CBX5: variants seen among roughly 807,000 people sequenced by gnomAD.
CBX5 encodes chromobox 5.
Under a neutral mutation model 20.7 loss-of-function variants are expected in CBX5, and 7 were observed. The ratio of observed to expected loss-of-function variants is 0.34; its 90% CI spans 0.19 to 0.63. The LOEUF (loss-of-function observed/expected upper bound fraction) is 0.63. Among genes scored for constraint, CBX5 ranks in the 30% least tolerant of loss-of-function variants. The probability of loss-of-function intolerance (pLI) is 0.75; values close to 1 mark genes in which losing one functional copy is unlikely to be tolerated. For synonymous variants in CBX5, 78 were observed against 77.0 expected (o/e 1.01, Z -0.07); for missense variants, 110 against 224.1 (o/e 0.49, Z 3.25).
In CBX5 at chr12:54,239,724, ACCATTCAGAAG is replaced by A. The variant is rs563422842; in HGVS notation, c.*2020_*2030del. The A allele has an allele frequency of 8.5e-4, 129 of 152,360 alleles. 1 individual carries two copies. Among genetic ancestry groups the A allele is most frequent in the African/African-American group, 3.1e-3 (127 of 41,580 alleles). 9.4% of individuals were successfully genotyped at this position (152,360 alleles called of 1,614,324 possible). A position where few individuals can be genotyped will look rare whatever the true frequency, so the allele number is the denominator to read the frequency against. On this transcript the variant is annotated 3_prime_UTR_variant, in exon 5 of 5. Transcript: ENST00000209875. ...TTATGAGCTCTTGCCCAATCACATTACCATTCAGAAGGATTTTCCTGGCTGACTTAAACCAA... is the reference window on the plus strand; with the variant it reads ...TTATGAGCTCTTGCCCAATCACATTAGATTTTCCTGGCTGACTTAAACCAA...
intron 3 of CBX5, among the ~76,000 whole-genome samples, chr12:54,248,318 A>G (rs1943758492): frequency 6.6e-6 from 1 of 152,164 alleles, no homozygotes; most frequent in African/African-American, 2.4e-5. Context: ...AAACTTTATT[A>G]TGGAAGATAA....
intron 4 of CBX5, among the ~76,000 whole-genome samples, chr12:54,245,295 G>C (rs1359599199): frequency 6.6e-6 from 1 of 152,034 alleles, no homozygotes; most frequent in Non-Finnish European, 1.5e-5. Context: ...ACAGGTGTGA[G>C]CCACTGCATC....
intron 1 of CBX5, among the ~76,000 whole-genome samples, chr12:54,265,045 A>T (rs1203046287): frequency 6.6e-6 from 1 of 152,138 alleles, no homozygotes; most frequent in Non-Finnish European, 1.5e-5. Context: ...AGCAGAGGAG[A>T]GCGCATATGC....
At chr12:54,268,011 G>C (rs1045675043) in intron 1 of CBX5, among the ~76,000 whole-genome samples, 3 of 152,138 alleles carry the variant, frequency 2.0e-5, no homozygotes, top group African/African-American at 4.8e-5. Flanking sequence ...AGGCGTGGTG[G>C]TGGGCGCCTG....
intron 1 of CBX5, chr12:54,258,018 A>C (rs1336494615): frequency 1.1e-5 from 2 of 174,158 alleles, no homozygotes; most frequent in African/African-American, 4.7e-5. Flanking sequence ...CAGGAACTCA[A>C]ACAGAAATGT....
intron 3 of CBX5, among the ~76,000 whole-genome samples, chr12:54,250,256 C>A (rs909883921): frequency 6.6e-6 from 1 of 151,624 alleles, no homozygotes; most frequent in East Asian, 1.9e-4. Context: ...AATAAAAATA[C>A]AAAAATTATC....
At chr12:54,255,472 T>G (rs1190406558) in intron 2 of CBX5, among the ~76,000 whole-genome samples, 1 of 146,312 alleles carries the variant, frequency 6.8e-6, no homozygotes, top group Non-Finnish European at 1.5e-5. Context: ...GGCAGGAGAA[T>G]CGCTTGAACC....
rs928505902 is a variant in CBX5 at position 54,275,171 on chromosome 12, G to C, written c.-43+4837C>G. Among the ~76,000 whole-genome samples the C allele has an allele frequency of 1.7e-4, 26 of 152,070 alleles. 1 individual carries two copies. Among genetic ancestry groups the C allele is most frequent in the Non-Finnish European group, 2.9e-5 (2 of 68,018 alleles). The stretch of plus-strand genomic sequence containing the variant: ...CCAAATTGAAGCTTTCCACTTACTA[G>C]TTTTCAGACAGAATATATTCCCCTT... On this transcript the variant is annotated intron_variant, in intron 1 of 4. Transcript: ENST00000209875.
Position 54,252,029 on chromosome 12 carries a change from A to G in CBX5, c.324+12T>C. The G allele has an allele frequency of 6.5e-7, 1 of 1,544,422 alleles. No individual in the cohort carries two copies. The highest frequency in any genetic ancestry group is 8.7e-7 in the Non-Finnish European group (1 of 1,151,462). ...AAGAATAGTTTTTGGGGAAAAGGGA[A>G]AGGAAGCTTACCTCTCTCTTTTTTT... On this transcript the variant is annotated intron_variant, in intron 3 of 4. Coordinates refer to ENST00000209875, the MANE Select transcript of CBX5 (RefSeq NM_012117.3).
At chr12:54,265,782 G>A (rs181366341) in intron 1 of CBX5, among the ~76,000 whole-genome samples, 7 of 152,258 alleles carry the variant, frequency 4.6e-5, no homozygotes, top group Admixed American at 4.6e-4. Flanking sequence ...ACGGCTCACG[G>A]CTGTAATCCC....
At chr12:54,276,666 T>C (rs796606739) in intron 1 of CBX5, 1 of 152,178 alleles carries the variant, frequency 6.6e-6, no homozygotes, top group Admixed American at 6.5e-5. Flanking sequence ...GCAGTCTTTT[T>C]CCCCCAAAAC....
intron 3 of CBX5, among the ~76,000 whole-genome samples, chr12:54,246,976 A>G (rs187070779): frequency 1.6e-3 from 241 of 152,146 alleles, no homozygotes; most frequent in Middle Eastern, 6.8e-3. Context: ...CTCTCTCTCA[A>G]TCTTTATTTT....
chr12:54,235,864 A>C lies in CBX5; in HGVS notation c.*5891T>G, dbSNP rs926434404. ...GGAATATGTTGTTATAGAACCCACA[A>C]TAATGTAACACAACTGAATCTGCAA... On this transcript the variant is annotated 3_prime_UTR_variant, in exon 5 of 5. Coordinates refer to ENST00000209875, the MANE Select transcript of CBX5 (RefSeq NM_012117.3). The C allele has an allele frequency of 1.3e-5, 2 of 152,234 alleles. No homozygotes were observed. The highest frequency in any genetic ancestry group is 3.8e-4 in the East Asian group (2 of 5,204). The allele number at this position is 152,234 out of a possible 1,614,324, so 9.4% of individuals were successfully genotyped here. A position where few individuals can be genotyped will look rare whatever the true frequency, so the allele number is the denominator to read the frequency against.
At chr12:54,273,572 G>A (rs1164671971) in intron 1 of CBX5, 1 of 152,162 alleles carries the variant, frequency 6.6e-6, no homozygotes. Context: ...TCATCCAAGT[G>A]GTTTCTTAAT....
chr12:54,240,149 T>C lies in CBX5; in HGVS notation c.*1606A>G, dbSNP rs1295760532. ...GGGACAAGGATCCTCAAAACCCTGC[T>C]ATTTCCTTACTTTTAATTGTGATTC... is the stretch of plus-strand genomic sequence containing the variant. On this transcript the variant is annotated 3_prime_UTR_variant, in exon 5 of 5. Transcript: ENST00000209875. The C allele has an allele frequency of 6.6e-6, 1 of 152,254 alleles. No homozygotes were observed. Among genetic ancestry groups the C allele is most frequent in the African/African-American group, 2.4e-5 (1 of 41,472 alleles). 9.4% of individuals were successfully genotyped at this position (152,254 alleles called of 1,614,324 possible). A position where few individuals can be genotyped will look rare whatever the true frequency, so the allele number is the denominator to read the frequency against.
chr12:54,257,495 G>A lies in CBX5; in HGVS notation c.137+19C>T, dbSNP rs1943872116. The A allele has an allele frequency of 1.2e-6, 2 of 1,613,696 alleles. No homozygotes were observed. The highest frequency in any genetic ancestry group is 8.5e-7 in the Non-Finnish European group (1 of 1,179,786). On this transcript the variant is annotated intron_variant, in intron 2 of 4. Transcript: ENST00000209875. ...TATCTCTACAGAGTCCCAACGCCTG[G>A]GGGAAAAAAGGAACTTACTCAGAAA...
chr12:54,242,937 C>A (rs1245731885), intron 4 of CBX5, among the ~76,000 whole-genome samples: 1 of 151,446 alleles, frequency 6.6e-6, no homozygotes, highest in African/African-American at 2.4e-5. Context: ...CCAGCCTGGG[C>A]AACATGGCAA....
At chr12:54,272,524 C>T (rs1944020379) in intron 1 of CBX5, 1 of 152,188 alleles carries the variant, frequency 6.6e-6, no homozygotes, top group African/African-American at 2.4e-5. Flanking sequence ...AGTCTATAGT[C>T]TCACTAAAAA....
chr12:54,260,160 C>CA (rs368171294), intron 1 of CBX5, among the ~76,000 whole-genome samples: 4,653 of 74,516 alleles, frequency 0.062, 60 homozygotes, highest in Non-Finnish European at 0.08. Flanking sequence ...AAACAACAAC[C>CA]AAAAAAAAAA....
Sources: gnomAD v4.1 joint callset for allele counts (sites outside exome capture counted in the v4.1 genomes callset) on GRCh38, gnomAD v4.1.1 for gene constraint, MANE v1.5 for transcripts, NCBI Gene and HGNC (gene_info 2026-07-23, HGNC 2026-07-21) for gene names.